Variants in STARD9 observed in about 807,000 individuals in gnomAD.
The protein encoded by STARD9 is StAR related lipid transfer domain containing 9.
STARD9 carries 346 observed loss-of-function variants against 399.8 expected under a neutral mutation model. The observed-to-expected ratio is 0.87, with a 90% CI of 0.79 to 0.95. The LOEUF is 0.95. Among genes scored for constraint, STARD9 ranks in the 40% least tolerant of loss-of-function variants. The pLI is 0.00. For synonymous variants in STARD9, 2,203 were observed against 2,143.5 expected (o/e 1.03, Z -0.77); for missense variants, 5,832 against 5,667.5 (o/e 1.03, Z -0.93).
intron 26 of STARD9, among the ~76,000 whole-genome samples, chr15:42,703,367 G>GTT (rs34868427): frequency 7.1e-6 from 1 of 140,300 alleles, no homozygotes; most frequent in Non-Finnish European, 1.6e-5. Context: ...TGTTTTGTTT[G>GTT]TTTTTTTTTT....
Position 42,684,283 on chromosome 15 carries a change from A to G in STARD9, c.2705A>G (p.Gln902Arg). 1 of 1,537,122 alleles carries G rather than the reference A, an allele frequency of 6.5e-7. No individual in the cohort carries two copies. Among genetic ancestry groups the G allele is most frequent in the Non-Finnish European group, 8.7e-7 (1 of 1,146,850 alleles). ...GGCCTGCATTCCTCAGGTCATGGGC[A>G]GCCCTGCACAGCCAGAGCAGCCTTG... is the stretch of plus-strand genomic sequence containing the variant. The part of the protein sequence containing the change: ...KNGLHSSGHG[Q>R]PCTARAALAR... The change falls in exon 23 of 33, where the codon CAG becomes CGG. Residue 902 changes from glutamine to arginine, a missense_variant. Physicochemically the swap from Gln to Arg is conservative, Grantham distance 43. Around this residue, in one of 2 missense-constraint regions of STARD9, gnomAD observed 5,828 missense variants for 5,651.1 expected, o/e 1.03. Coordinates refer to ENST00000290607, the MANE Select transcript of STARD9 (RefSeq NM_020759.3).
chr15:42,712,074 A>ATTT lies in STARD9; in HGVS notation c.13285-4602_13285-4601insTTT. On this transcript the variant is annotated intron_variant, in intron 26 of 32. Transcript: ENST00000290607. The stretch of plus-strand genomic sequence containing the variant: ...GTGTTGAGCATCTTTTTATATATAT[A>ATTT]TATATATTATATATATATATATAAT... Among the ~76,000 whole-genome samples, 4 of 38,014 alleles carry ATTT rather than the reference A, an allele frequency of 1.1e-4. 2 individuals are homozygous for ATTT. In the Admixed American group the frequency reaches 1.6e-3, roughly 15 times the overall value. The allele number at this position is 38,014 out of a possible 152,430, so 24.9% of individuals were successfully genotyped here. A position where few individuals can be genotyped will look rare whatever the true frequency, so the allele number is the denominator to read the frequency against.
At position 42,675,961 on chromosome 15, in the gene STARD9, G is replaced by A. The variant is rs928075392; in HGVS notation, c.1860G>A (p.Leu620=). The change falls in exon 20 of 33, where the codon TTG becomes TTA. Residue 620 remains leucine, a synonymous_variant. Coordinates refer to ENST00000290607, the MANE Select transcript of STARD9 (RefSeq NM_020759.3). ...CCTCCCGGCTGGGTCTCTCCCCTTT[G>A]CTTTGGAAGGAAAGGTAAGAAATAG... ...LAASRLGLSP[L]LWKERRALEE... The A allele has an allele frequency of 2.6e-6, 4 of 1,513,274 alleles. No individual in the cohort carries two copies. Among genetic ancestry groups the A allele is most frequent in the African/African-American group, 1.4e-5 (1 of 71,976 alleles). The allele number at this position is 1,513,274 out of a possible 1,614,324, so 93.7% of individuals were successfully genotyped here.
chr15:42,692,689 C>T lies in STARD9; in HGVS notation c.11111C>T (p.Ala3704Val), dbSNP rs2060739527. ...LLGSLSQPDVARREQNTKRDI... is the reference protein window; with the variant it reads ...LLGSLSQPDVVRREQNTKRDI... ...GGGAGTCTCTCCCAGCCAGATGTGG[C>T]CAGAAGGGAGCAGAACACCAAGAGG... Residue 3704 changes from alanine to valine, a missense_variant, in exon 23 of 33, where the codon GCC becomes GTC. Ala to Val is a moderately conservative substitution (Grantham distance 64, BLOSUM62 0). This residue lies in a region of STARD9 where 5,828 missense variants were observed against 5,651.1 expected (regional missense o/e 1.03). Coordinates refer to ENST00000290607, the MANE Select transcript of STARD9 (RefSeq NM_020759.3). 1.3e-6 allele frequency: 2 copies of T among 1,537,032 alleles called. No homozygotes were observed. The highest frequency in any genetic ancestry group is 1.4e-5 in the African/African-American group (1 of 73,016).
chr15:42,616,911 A>G (rs576880354), intron 3 of STARD9, among the ~76,000 whole-genome samples: 2 of 150,546 alleles, frequency 1.3e-5, no homozygotes, highest in South Asian at 2.1e-4. Context: ...AAAAAAAAAT[A>G]CAAAAAGAAA....
At chr15:42,651,604 A>G (rs2059763931) in intron 8 of STARD9, among the ~76,000 whole-genome samples, 1 of 152,210 alleles carries the variant, frequency 6.6e-6, no homozygotes, top group Non-Finnish European at 1.5e-5. Context: ...TGAAATACCT[A>G]GAATATTACT....
chr15:42,716,841 T>G, intron 27 of STARD9, 77 bp downstream of exon 27: 2 of 1,524,606 alleles, frequency 1.3e-6, no homozygotes, highest in African/African-American at 1.4e-5. Context: ...TAGATCTTAG[T>G]GAGTCACTGG....
intron 26 of STARD9, among the ~76,000 whole-genome samples, chr15:42,708,017 G>T (rs1356243442): frequency 6.6e-6 from 1 of 151,732 alleles, no homozygotes; most frequent in Non-Finnish European, 1.5e-5. Context: ...AGCCAGGGTG[G>T]TGCTGCACAC....
chr15:42,674,274 C>T (rs2060263459), intron 16 of STARD9, among the ~76,000 whole-genome samples, 166 bp from the exon 17 acceptor site: 1 of 152,146 alleles, frequency 6.6e-6, no homozygotes, highest in Non-Finnish European at 1.5e-5. Context: ...AGGGTCAGAA[C>T]AGCCGGGACC....
At chr15:42,597,375 A>AT (rs200261102) in intron 3 of STARD9, among the ~76,000 whole-genome samples, 4,241 of 149,484 alleles carry the variant, frequency 0.028, 131 homozygotes, top group East Asian at 0.14. Context: ...ATGTATATTT[A>AT]TTTTTTTTTT....
At chr15:42,644,252 G>A (rs1449139466) in intron 7 of STARD9, among the ~76,000 whole-genome samples, 1 of 152,196 alleles carries the variant, frequency 6.6e-6, no homozygotes, top group Non-Finnish European at 1.5e-5. Flanking sequence ...CCAGCACTTT[G>A]GGAGGCTGAG....
Position 42,663,851 on chromosome 15 carries a change from G to A in STARD9, c.1110G>A (p.Glu370=), listed in dbSNP as rs1290328504. ...TVSPAHTSYS[E]TMSTLRYASS... ...CTCCTGCACACACTAGCTACAGTGAGACCATGAGCACACTGAGATATGCAT... is the reference window on the plus strand; with the variant it reads ...CTCCTGCACACACTAGCTACAGTGAAACCATGAGCACACTGAGATATGCAT... Residue 370 remains glutamate, a synonymous_variant, in exon 13 of 33, where the codon GAG becomes GAA. Coordinates refer to ENST00000290607, the MANE Select transcript of STARD9 (RefSeq NM_020759.3). 13 of 1,537,002 alleles carry A rather than the reference G, an allele frequency of 8.5e-6. No homozygotes were observed. Among genetic ancestry groups the A allele is most frequent in the African/African-American group, 1.4e-5 (1 of 73,040 alleles).
At chr15:42,704,523 C>G (rs544324175) in intron 26 of STARD9, among the ~76,000 whole-genome samples, 1 of 152,274 alleles carries the variant, frequency 6.6e-6, no homozygotes, top group South Asian at 2.1e-4. Context: ...TCCAGGAATT[C>G]AAAGGAGCCT....
Position 42,716,673 on chromosome 15 carries a change from G to T in STARD9, c.13285-4G>T. On this transcript the variant is annotated splice_region_variant and splice_polypyrimidine_tract_variant and intron_variant, in intron 26 of 32. Coordinates refer to ENST00000290607, the MANE Select transcript of STARD9 (RefSeq NM_020759.3). The stretch of plus-strand genomic sequence containing the variant: ...CTCTGTCCTGAGTATCCTCTCTTCT[G>T]CAGGGGCATACAAACTTGCCTGATT... 1 of 1,527,238 alleles carries T rather than the reference G, an allele frequency of 6.5e-7. No individual in the cohort carries two copies. The highest frequency in any genetic ancestry group is 8.8e-7 in the Non-Finnish European group (1 of 1,137,816). The allele number at this position is 1,527,238 out of a possible 1,614,324, so 94.6% of individuals were successfully genotyped here. A position where few individuals can be genotyped will look rare whatever the true frequency, so the allele number is the denominator to read the frequency against.
chr15:42,693,925 T>G lies in STARD9; in HGVS notation c.12347T>G (p.Leu4116Arg), dbSNP rs749519947. Residue 4116 changes from leucine (L) to arginine (R), a missense_variant, in exon 23 of 33, where the codon CTG becomes CGG. Physicochemically the swap from Leu to Arg is moderately radical, Grantham distance 102 (BLOSUM62 -2). Transcript: ENST00000290607. The stretch of plus-strand genomic sequence containing the variant: ...CAGGCCTGCCAACCTGAGGAGTTAC[T>G]GTGCTTCAGTTGCCAGATGTGCATG... ...LPQACQPEEL[L>R]CFSCQMCMAP... is the part of the protein sequence containing the mutation. 6.6e-7 allele frequency: 1 copy of G among 1,509,802 alleles called. No homozygotes were observed. The highest frequency in any genetic ancestry group is 1.3e-5 in the South Asian group (1 of 79,536). The allele number at this position is 1,509,802 out of a possible 1,614,324, so 93.5% of individuals were successfully genotyped here.
At chr15:42,626,520 G>A (rs1177253617) in intron 3 of STARD9, among the ~76,000 whole-genome samples, 2 of 148,176 alleles carry the variant, frequency 1.3e-5, no homozygotes, top group African/African-American at 5.0e-5. Context: ...TGTGGCAGGG[G>A]AAAGAGTTTC....
In STARD9 at chr15:42,687,810, C is replaced by G; in HGVS notation, c.6232C>G (p.Pro2078Ala). Residue 2078 changes from proline to alanine, a missense_variant, in exon 23 of 33, where the codon CCA (proline) becomes GCA (alanine). By Grantham distance (27) the Pro-to-Ala change is conservative (BLOSUM62 -1). This residue lies in a region of STARD9 where 5,828 missense variants were observed against 5,651.1 expected (regional missense o/e 1.03). Transcript: ENST00000290607. ...TAAGCAGGTTCATGCTTCCCACACACCAGGAACCGATAAGGAGTTGGTGTT... is the reference window on the plus strand; with the variant it reads ...TAAGCAGGTTCATGCTTCCCACACAGCAGGAACCGATAAGGAGTTGGTGTT... ...QNKQVHASHT[P>A]GTDKELVFQD... is the part of the protein sequence containing the mutation. 2 of 1,537,442 alleles carry G rather than the reference C, an allele frequency of 1.3e-6. No individual in the cohort carries two copies. Among genetic ancestry groups the G allele is most frequent in the African/African-American group, 2.7e-5 (2 of 73,158 alleles).
chr15:42,622,338 GCTCT>G (rs1416271850), intron 3 of STARD9, among the ~76,000 whole-genome samples: 2 of 151,550 alleles, frequency 1.3e-5, no homozygotes, highest in South Asian at 2.1e-4. Flanking sequence ...CCTGTAGCTC[GCTCT>G]CTCTCTCCCT....
At chr15:42,673,884 T>A (rs758081880) in intron 16 of STARD9, 3 of 456,072 alleles carry the variant, frequency 6.6e-6, no homozygotes, top group South Asian at 4.7e-5. Context: ...TTTTTTATTC[T>A]AGAGGTGCTT....
Sources: allele counts gnomAD v4.1 joint callset (sites outside exome capture counted in the v4.1 genomes callset), GRCh38; gene constraint gnomAD v4.1.1; regional missense constraint gnomAD v4.1.1; transcripts MANE v1.5; gene names NCBI Gene and HGNC (gene_info 2026-07-23, HGNC 2026-07-21).